Variants in RPS6KA2 observed in about 807,000 individuals in gnomAD.
The protein encoded by RPS6KA2 is ribosomal protein S6 kinase alpha-2.
RPS6KA2 carries 42 observed loss-of-function variants against 91.8 expected under a neutral mutation model. That is an observed-to-expected ratio of 0.46 (90% CI 0.36 to 0.59). RPS6KA2 has a LOEUF of 0.59. Among genes scored for constraint, RPS6KA2 ranks in the 20% least tolerant of loss-of-function variants. The pLI, the probability that RPS6KA2 is intolerant of heterozygous loss-of-function variation, is 0.00. For missense variants in RPS6KA2, 798 were observed against 978.5 expected, an observed-to-expected ratio of 0.82 and a Z score of 2.46; for synonymous variants, 414 against 393.6, an observed-to-expected ratio of 1.05 and a Z score of -0.61.
chr6:166,851,491 GATAGTT>G (rs1439081005), intron 2 of RPS6KA2, among the ~76,000 whole-genome samples: 1 of 152,210 alleles, frequency 6.6e-6, no homozygotes, highest in African/African-American at 2.4e-5. Flanking sequence ...AGGCAGCAGA[GATAGTT>G]ACTGCTCTGC....
At position 166,411,294 on chromosome 6, in the gene RPS6KA2, G is replaced by C. The variant is rs559429352; in HGVS notation, c.*1468C>G. The C allele has an allele frequency of 2.6e-5, 4 of 151,918 alleles. No individual in the cohort carries two copies. The South Asian group carries it at 8.3e-4, about 32-fold the overall frequency. 9.4% of individuals were successfully genotyped at this position (151,918 alleles called of 1,614,324 possible). On this transcript the variant is annotated 3_prime_UTR_variant, in exon 21 of 21. Transcript: ENST00000265678. The surrounding 1 kb of genome is among the most constrained non-coding windows in gnomAD (Gnocchi z 4.5). Reference sequence around the variant, plus strand: ...CCCAACAAAATAACATCTTCTTAGGGAAAACCTGGCTGTGGCCAGCGGGCA... The same window carrying C: ...CCCAACAAAATAACATCTTCTTAGGCAAAACCTGGCTGTGGCCAGCGGGCA...
chr6:166,641,073 G>C (rs563494928), intron 2 of RPS6KA2, among the ~76,000 whole-genome samples: 5 of 152,290 alleles, frequency 3.3e-5, no homozygotes, highest in Admixed American at 3.3e-4. Flanking sequence ...AGCACCCAGA[G>C]GACCAGGCAG....
At chr6:166,531,085 G>A (rs1783258684) in intron 3 of RPS6KA2, 147 bp downstream of exon 3, 2 of 673,666 alleles carry the variant, frequency 3.0e-6, no homozygotes, top group Non-Finnish European at 5.4e-6. Context: ...TGTTTATACT[G>A]TTTATTATCA....
intron 5 of RPS6KA2, among the ~76,000 whole-genome samples, chr6:166,507,421 CATACCACAT>C (rs1259187139): frequency 6.6e-6 from 1 of 150,732 alleles, no homozygotes; most frequent in African/African-American, 2.4e-5. Context: ...ACACACCACA[CATACCACAT>C]ACAGCACACA....
chr6:166,517,483 T>TTTTTTA (rs1782695757), intron 3 of RPS6KA2, among the ~76,000 whole-genome samples: 1 of 135,130 alleles, frequency 7.4e-6, no homozygotes, highest in Non-Finnish European at 1.6e-5. Flanking sequence ...TTTTTTTTTT[T>TTTTTTA]TTTGAGACGG....
intron 1 of RPS6KA2, among the ~76,000 whole-genome samples, chr6:166,565,230 T>G (rs1784458325): frequency 6.6e-6 from 1 of 152,198 alleles, no homozygotes; most frequent in Admixed American, 6.5e-5. Flanking sequence ...TCACCGCCAA[T>G]TCCAAACCAT....
chr6:166,741,171 C>G (rs997949944), intron 2 of RPS6KA2, among the ~76,000 whole-genome samples: 1 of 152,214 alleles, frequency 6.6e-6, no homozygotes, highest in Admixed American at 6.5e-5. Context: ...CTTAAACACA[C>G]AAAGCCATTC....
chr6:166,456,290 G>A (rs1780103263), intron 12 of RPS6KA2, among the ~76,000 whole-genome samples: 1 of 152,222 alleles, frequency 6.6e-6, no homozygotes, highest in Non-Finnish European at 1.5e-5. Context: ...TAGCTAGTAA[G>A]GAAATGACAG....
At position 166,858,443 on chromosome 6, in the gene RPS6KA2, C is replaced by T. The variant is rs796796326; in HGVS notation, c.64-184G>A. On this transcript the variant is annotated intron_variant, in intron 1 of 21. Coordinates refer to the RPS6KA2 transcript ENST00000503859. ...GTTTAACTGTGTGATGCTTCATGTCCGAGATGGATCCTTTATACAACAGGT... is the reference window on the plus strand; with the variant it reads ...GTTTAACTGTGTGATGCTTCATGTCTGAGATGGATCCTTTATACAACAGGT... Among the ~76,000 whole-genome samples, 5 of 152,316 alleles carry T rather than the reference C, an allele frequency of 3.3e-5. No individual in the cohort carries two copies. In the East Asian group the frequency reaches 9.6e-4, roughly 29 times the overall value.
chr6:166,507,149 C>T (rs1402905952), intron 5 of RPS6KA2, among the ~76,000 whole-genome samples: 1 of 152,090 alleles, frequency 6.6e-6, no homozygotes, highest in Admixed American at 6.5e-5. Context: ...CCTCCCTCTT[C>T]CCTCCCTCTT....
At position 166,751,660 on chromosome 6, in the gene RPS6KA2, G is replaced by T. The variant is rs556608737; in HGVS notation, c.123+106540C>A. On this transcript the variant is annotated intron_variant, in intron 2 of 21. Coordinates refer to the RPS6KA2 transcript ENST00000503859. ...GAATCAAGGTATTCCCAAATTTTCT[G>T]CTCGAAGCCCCACAAGTTTCCATTT... 3.3e-5 allele frequency among the ~76,000 whole-genome samples: 5 copies of T among 152,342 alleles called. No individual in the cohort carries two copies. The South Asian group carries it at 1.0e-3, about 32-fold the overall frequency.
intron 2 of RPS6KA2, among the ~76,000 whole-genome samples, chr6:166,794,964 C>T (rs976834292): frequency 1.3e-5 from 2 of 151,528 alleles, no homozygotes; most frequent in African/African-American, 4.9e-5. Context: ...CAAACCTGCA[C>T]ATTGTGCACA....
rs956313791 is a variant in RPS6KA2, at chr6:166,554,893, T to G, written c.100-16109A>C. Among the ~76,000 whole-genome samples the G allele has an allele frequency of 6.6e-6, 1 of 152,242 alleles. No homozygotes were observed. The highest frequency in any genetic ancestry group is 1.9e-4 in the East Asian group (1 of 5,200). ...TGTCTCCAGTTTTACAAAGGTCAATTGGTAATTTACAAAACCTGATTTTGA... is the reference window on the plus strand; with the variant it reads ...TGTCTCCAGTTTTACAAAGGTCAATGGGTAATTTACAAAACCTGATTTTGA... On this transcript the variant is annotated intron_variant, in intron 1 of 20. Coordinates refer to ENST00000265678, the MANE Select transcript of RPS6KA2 (RefSeq NM_021135.6). This position sits in a 1 kb window ranked among gnomAD's most constrained non-coding sequence, Gnocchi z 4.3.
At chr6:166,657,637 A>C (rs941407687) in intron 2 of RPS6KA2, among the ~76,000 whole-genome samples, 8 of 152,202 alleles carry the variant, frequency 5.3e-5, no homozygotes, top group African/African-American at 1.9e-4. Context: ...TTAAAAGGAC[A>C]GGAGCCGGAC....
chr6:166,558,249 T>C (rs763325593), intron 1 of RPS6KA2, among the ~76,000 whole-genome samples: 2 of 151,984 alleles, frequency 1.3e-5, no homozygotes, highest in Non-Finnish European at 2.9e-5. Flanking sequence ...CAGGAAGAAC[T>C]GATGTTTTAG....
At chr6:166,427,819 G>C (rs1473613537) in intron 16 of RPS6KA2, among the ~76,000 whole-genome samples, 3 of 152,140 alleles carry the variant, frequency 2.0e-5, no homozygotes, top group Non-Finnish European at 4.4e-5. Flanking sequence ...ACAAATGGAA[G>C]AACATTCCAT....
In RPS6KA2 at chr6:166,485,073, G is replaced by A. The variant is rs532942343; in HGVS notation, c.907+3760C>T. 6.2e-4 allele frequency among the ~76,000 whole-genome samples: 95 copies of A among 152,312 alleles called. 1 individual carries two copies. The highest frequency in any genetic ancestry group is 1.2e-3 in the Non-Finnish European group (82 of 68,026). ...AAATCCGCCCAGGCAGGGGAACGTC[G>A]GAGCTGTCCACCCACCCTCTGCCAC... On this transcript the variant is annotated intron_variant, in intron 10 of 20. Transcript: ENST00000265678.
Position 166,639,364 on chromosome 6 carries a change from C to T in RPS6KA2, c.124-100580G>A, listed in dbSNP as rs566281591. On this transcript the variant is annotated intron_variant, in intron 2 of 21. Transcript: ENST00000503859. This position sits in a 1 kb window ranked among gnomAD's most constrained non-coding sequence, Gnocchi z 4.2. ...ATGTTTTCCCCGTCTTGCCTTCTTT[C>T]CAACCCTGCCCTCCATAACACAGCG... Among the ~76,000 whole-genome samples the T allele has an allele frequency of 3.9e-5, 6 of 152,292 alleles. No homozygotes were observed. The South Asian group carries it at 1.2e-3, about 32-fold the overall frequency.
rs1282643944 is a variant in RPS6KA2, at chr6:166,554,094, T to C, written c.100-15310A>G. Among the ~76,000 whole-genome samples, 1 of 152,214 alleles carries C rather than the reference T, an allele frequency of 6.6e-6. No homozygotes were observed. Among genetic ancestry groups the C allele is most frequent in the Non-Finnish European group, 1.5e-5 (1 of 68,038 alleles). On this transcript the variant is annotated intron_variant, in intron 1 of 20. Coordinates refer to ENST00000265678, the MANE Select transcript of RPS6KA2 (RefSeq NM_021135.6). The surrounding 1 kb of genome is among the most constrained non-coding windows in gnomAD (Gnocchi z 4.3). Reference sequence around the variant, plus strand: ...ATCTGTCTGTCCAGGCAAGAACATTTGGAATTTTCTAGTGCAGTTCTTGGT... The same window carrying C: ...ATCTGTCTGTCCAGGCAAGAACATTCGGAATTTTCTAGTGCAGTTCTTGGT...
Sources: gnomAD v4.1 joint callset for allele counts (sites outside exome capture counted in the v4.1 genomes callset) on GRCh38, gnomAD v4.1.1 for gene constraint, Gnocchi (gnomAD v3.1) non-coding constraint, MANE v1.5 for transcripts, NCBI Gene and HGNC (gene_info 2026-07-23, HGNC 2026-07-21) for gene names.